Variants in NONO observed in about 807,000 individuals in gnomAD.
NONO encodes non-POU domain containing octamer binding.
In NONO, 6 loss-of-function variants were observed where a neutral mutation model predicts 40.2. The observed-to-expected ratio is 0.15, with a 90% confidence interval of 0.08 to 0.29. The LOEUF (loss-of-function observed/expected upper bound fraction) is 0.29. NONO is among the 10% of genes least tolerant of loss of function. The pLI is 1.00. For synonymous variants in NONO, 89 were observed against 123.3 expected, an observed-to-expected ratio of 0.72 and a Z score of 1.85; for missense variants, 133 against 397.8, an observed-to-expected ratio of 0.33 and a Z score of 5.66.
At chrX:71,298,612 T>G in intron 10 of NONO, 95 bp from the exon 11 acceptor site, 1 of 1,053,948 alleles carries the variant, frequency 9.5e-7, no homozygotes, top group Non-Finnish European at 1.3e-6. Flanking sequence ...ATATATGTCT[T>G]ACTTAGCCCA....
At chrX:71,295,651 C>G (rs1283112561) in intron 5 of NONO, among the ~76,000 whole-genome samples, 2 of 101,517 alleles carry the variant, frequency 2.0e-5, no homozygotes, top group African/African-American at 7.3e-5. Flanking sequence ...AGTAGCTGGA[C>G]GCGGTGGTGG....
chrX:71,298,292 A>G (rs2031496904), intron 9 of NONO, 177 bp from the exon 10 acceptor site: 1 of 486,285 alleles, frequency 2.1e-6, no homozygotes, highest in East Asian at 3.6e-5. Context: ...CTTACGTCCT[A>G]GTAGCTCTGT....
At chrX:71,290,548 AATTACATATAAGTCAT>A (rs1441815152) in intron 2 of NONO, 65 bp from the exon 3 acceptor site, 71 of 781,948 alleles carry the variant, frequency 9.1e-5, no homozygotes, top group Non-Finnish European at 1.3e-4. Flanking sequence ...TAAGGTGATG[AATTACATATAAGTCAT>A]CAGGAAGGTG....
At chrX:71,297,187 T>C (rs1038419643) in intron 7 of NONO, 140 bp downstream of exon 7, 12 of 679,269 alleles carry the variant, frequency 1.8e-5, no homozygotes, top group Non-Finnish European at 2.4e-5. Flanking sequence ...TAAATAGGCT[T>C]GGAGATGTGG....
At position 71,297,932 on chromosome X, in the gene NONO, T is replaced by G; in HGVS notation, c.1125T>G (p.Pro375=). ...AGGAAGGATTCAAGGGAACCTTCCC[T>G]GATGCGGTATATCTCCCATGTGCCC... ...RQQEGFKGTF[P]DAREQEIRMG... is the part of the protein sequence containing the mutation. The change falls in exon 9 of 12, where the codon CCT becomes CCG. Residue 375 remains proline (P), a synonymous_variant. Coordinates refer to ENST00000276079, the MANE Select transcript of NONO (RefSeq NM_007363.5). 1 of 1,159,919 alleles carries G rather than the reference T, an allele frequency of 8.6e-7. No individual in the cohort carries two copies. Among genetic ancestry groups the G allele is most frequent in the Non-Finnish European group, 1.2e-6 (1 of 848,782 alleles).
chrX:71,293,642 G>GT, intron 4 of NONO, among the ~76,000 whole-genome samples: 1 of 109,129 alleles, frequency 9.2e-6, no homozygotes, highest in Non-Finnish European at 1.9e-5. Context: ...TTTTGTTTTC[G>GT]TTTTTTTGAG....
intron 3 of NONO, 25 bp downstream of exon 3, chrX:71,290,816 T>C (rs911526189): frequency 5.1e-5 from 56 of 1,105,666 alleles, no homozygotes; most frequent in Non-Finnish European, 5.9e-5. Flanking sequence ...GGTGATGGAG[T>C]AGAAATGGAT....
Position 71,298,706 on chromosome X carries a change from G to T in NONO, c.1172-1G>T, listed in dbSNP as rs1222837917. 8.3e-7 allele frequency: 1 copy of T among 1,203,278 alleles called. No homozygotes were observed. Among genetic ancestry groups the T allele is most frequent in the Admixed American group, 2.2e-5 (1 of 45,623 alleles). On this transcript the variant is annotated splice_acceptor_variant, in intron 10 of 11. Coordinates refer to ENST00000276079, the MANE Select transcript of NONO (RefSeq NM_007363.5). LOFTEE classifies it high-confidence loss of function. ...GTGCTGATCACACTACTCTGCCTTA[G>T]GTGCTATGGGCATAAACAACAGAGG...
chrX:71,286,065 A>G (rs1047627211), intron 2 of NONO, among the ~76,000 whole-genome samples: 1 of 111,713 alleles, frequency 9.0e-6, no homozygotes, highest in East Asian at 2.8e-4. Flanking sequence ...ATGGATTTTT[A>G]TATTTGTATT....
At chrX:71,299,087 A>C (rs766057786) in intron 11 of NONO, among the ~76,000 whole-genome samples, 36 of 110,644 alleles carry the variant, frequency 3.3e-4, no homozygotes, top group Non-Finnish European at 6.3e-4. Context: ...ATGCCCGGCT[A>C]ATTTTTGTAT....
intron 2 of NONO, among the ~76,000 whole-genome samples, chrX:71,285,875 C>T (rs938138382): frequency 8.9e-5 from 10 of 111,740 alleles, no homozygotes; most frequent in African/African-American, 2.6e-4. Context: ...TGGTTGACAA[C>T]TGAATGCTGT....
intron 3 of NONO, 126 bp downstream of exon 3, chrX:71,290,917 C>T: frequency 1.3e-6 from 1 of 765,779 alleles, no homozygotes; most frequent in Non-Finnish European, 1.8e-6. Context: ...TCTTTTTTCT[C>T]TTTACCTCTT....
chrX:71,298,012 C>A, intron 9 of NONO, 74 bp downstream of exon 9: 1 of 650,609 alleles, frequency 1.5e-6, no homozygotes, highest in South Asian at 2.8e-5. Context: ...GCTAGGTTAC[C>A]GGTTATGACC....
At chrX:71,294,133 G>A (rs1002774370) in intron 4 of NONO, 94 bp from the exon 5 acceptor site, 1 of 863,615 alleles carries the variant, frequency 1.2e-6, no homozygotes. Flanking sequence ...TAGTTTTTCC[G>A]GGGAGATATT....
chrX:71,300,434 C>G lies in NONO; in HGVS notation c.*358C>G, dbSNP rs980686226. 13 of 264,052 alleles carry G rather than the reference C, an allele frequency of 4.9e-5. No individual in the cohort carries two copies. Among genetic ancestry groups the G allele is most frequent in the Non-Finnish European group, 8.6e-5 (13 of 150,391 alleles). 21.8% of individuals were successfully genotyped at this position (264,052 alleles called of 1,213,427 possible). A position where few individuals can be genotyped will look rare whatever the true frequency, so the allele number is the denominator to read the frequency against. The stretch of plus-strand genomic sequence containing the variant: ...TTGTTTCATTTGCTTGCCCCGCCCC[C>G]GAGACGGAGTCTTACTCTGTCGCCC... On this transcript the variant is annotated 3_prime_UTR_variant, in exon 12 of 12. Transcript: ENST00000276079.
In NONO at chrX:71,301,047, G is replaced by C; in HGVS notation, c.*971G>C. On this transcript the variant is annotated 3_prime_UTR_variant, in exon 12 of 12. Coordinates refer to ENST00000276079, the MANE Select transcript of NONO (RefSeq NM_007363.5). ...AGACTCGCCTATCTTAGGTAGTCAT[G>C]CTGTGCATTTTTTTTTTCATTGGTG... 1 of 152,491 alleles carries C rather than the reference G, an allele frequency of 6.6e-6. No individual in the cohort carries two copies. 12.6% of individuals were successfully genotyped at this position (152,491 alleles called of 1,213,427 possible).
chrX:71,290,510 G>A (rs2148032060), intron 2 of NONO, 119 bp from the exon 3 acceptor site: 4 of 511,716 alleles, frequency 7.8e-6, no homozygotes, highest in East Asian at 7.4e-5. Flanking sequence ...GTAACAAATT[G>A]TTTGCCTCTG....
chrX:71,300,046 A>G lies in NONO; in HGVS notation c.1386A>G (p.Glu462=). 9.9e-6 allele frequency: 12 copies of G among 1,211,370 alleles called. No individual in the cohort carries two copies. Among genetic ancestry groups the G allele is most frequent in the Non-Finnish European group, 1.3e-5 (12 of 895,320 alleles). Residue 462 remains glutamate, a synonymous_variant, in exon 12 of 12, where the codon GAA becomes GAG. Transcript: ENST00000276079. ...TCAACCGTGCAGCTCCTGGAGCTGA[A>G]TTTGCCCCAAACAAACGTCGCCGAT... is the stretch of plus-strand genomic sequence containing the variant. ...PAFNRAAPGA[E]FAPNKRRRY
At chrX:71,295,518 C>T (rs1271856787) in intron 5 of NONO, among the ~76,000 whole-genome samples, 2 of 109,721 alleles carry the variant, frequency 1.8e-5, no homozygotes, top group Non-Finnish European at 3.8e-5. Context: ...TTAGCCTGGG[C>T]ATGGTGGCTC....
Sources: gnomAD v4.1 joint callset for allele counts (sites outside exome capture counted in the v4.1 genomes callset) on GRCh38, gnomAD v4.1.1 for gene constraint, MANE v1.5 for transcripts, NCBI Gene and HGNC (gene_info 2026-07-23, HGNC 2026-07-21) for gene names.